The following VPS13A variants were observed in gnomAD, a reference collection of about 807,000 sequenced individuals.
VPS13A encodes intermembrane lipid transfer protein VPS13A.
Under a neutral mutation model 390.9 loss-of-function variants are expected in VPS13A, and 264 were observed. The observed-to-expected ratio is 0.68, with a 90% CI of 0.61 to 0.75. The LOEUF (loss-of-function observed/expected upper bound fraction) is 0.75, where lower values mean the gene tolerates loss of function less well. VPS13A is among the 30% of genes least tolerant of loss of function. The pLI is 0.00. For missense variants in VPS13A, 3,409 were observed against 3,733.9 expected (o/e 0.91, Z 2.27); for synonymous variants, 1,231 against 1,227.1 (o/e 1.00, Z -0.07).
rs912809323 is a variant in VPS13A, at chr9:77,419,349, A to C, written c.*3343A>C. ...TGGTTCCTGAAATACTGTTTCAGCT[A>C]AATATTCTATTTACTGTGTATACTG... On this transcript the variant is annotated 3_prime_UTR_variant, in exon 72 of 72. Coordinates refer to ENST00000360280, the MANE Select transcript of VPS13A (RefSeq NM_033305.3). 1 of 152,226 alleles carries C rather than the reference A, an allele frequency of 6.6e-6. No homozygotes were observed. Among genetic ancestry groups the C allele is most frequent in the Admixed American group, 6.5e-5 (1 of 15,280 alleles). The allele number at this position is 152,226 out of a possible 1,614,324, so 9.4% of individuals were successfully genotyped here. A position where few individuals can be genotyped will look rare whatever the true frequency, so the allele number is the denominator to read the frequency against.
At chr9:77,410,858 C>A (rs1267835099) in intron 71 of VPS13A, among the ~76,000 whole-genome samples, 1 of 152,180 alleles carries the variant, frequency 6.6e-6, no homozygotes, top group East Asian at 1.9e-4. Context: ...GACTTTAACA[C>A]CCCACTGTCA....
chr9:77,375,061 TATA>T (rs1299062380), intron 67 of VPS13A, among the ~76,000 whole-genome samples: 1 of 152,154 alleles, frequency 6.6e-6, no homozygotes, highest in African/African-American at 2.4e-5. Context: ...GTTTCATAAA[TATA>T]ATGTGTTGAG....
intron 46 of VPS13A, among the ~76,000 whole-genome samples, 186 bp downstream of exon 46, chr9:77,332,299 A>C (rs897657853): frequency 1.3e-5 from 2 of 152,140 alleles, no homozygotes; most frequent in Middle Eastern, 3.4e-3. Context: ...TATACCAAGC[A>C]CACTATATAT....
chr9:77,342,964 C>T (rs371211719), intron 50 of VPS13A, among the ~76,000 whole-genome samples: 3 of 152,066 alleles, frequency 2.0e-5, no homozygotes, highest in African/African-American at 7.2e-5. Context: ...TAGGACAAAG[C>T]GGAGGAGCTA....
At chr9:77,368,797 T>C (rs544935507) in intron 62 of VPS13A, among the ~76,000 whole-genome samples, 1 of 152,336 alleles carries the variant, frequency 6.6e-6, no homozygotes, top group Admixed American at 6.5e-5. Flanking sequence ...TGTCATATTA[T>C]TTTTAATACT....
At chr9:77,235,561 G>C (rs752941104) in intron 17 of VPS13A, among the ~76,000 whole-genome samples, 1 of 152,056 alleles carries the variant, frequency 6.6e-6, no homozygotes, top group African/African-American at 2.4e-5. Context: ...TGAGCTTCTT[G>C]GATGTATAAA....
chr9:77,182,932 A>C (rs2131048661), intron 1 of VPS13A, among the ~76,000 whole-genome samples: 1 of 152,348 alleles, frequency 6.6e-6, no homozygotes, highest in Non-Finnish European at 1.5e-5. Flanking sequence ...GCAGTACAAA[A>C]GATGAAGATT....
intron 71 of VPS13A, among the ~76,000 whole-genome samples, chr9:77,411,809 G>C (rs1283165052): frequency 6.6e-6 from 1 of 151,894 alleles, no homozygotes; most frequent in South Asian, 2.1e-4. Context: ...CCAGGAGCTG[G>C]TTTTTTGAAA....
chr9:77,285,609 CTTGT>C (rs939895618), intron 31 of VPS13A, among the ~76,000 whole-genome samples: 1 of 151,962 alleles, frequency 6.6e-6, no homozygotes, highest in African/African-American at 2.4e-5. Context: ...CTTTTCTGGC[CTTGT>C]TATTAGGCCA....
chr9:77,191,851 AT>A (rs1824705915), intron 1 of VPS13A, among the ~76,000 whole-genome samples: 1 of 152,132 alleles, frequency 6.6e-6, no homozygotes, highest in East Asian at 1.9e-4. Context: ...AATAACGTAT[AT>A]TCTGTTTTTG....
chr9:77,403,437 T>G (rs1235133005), intron 69 of VPS13A, 116 bp downstream of exon 69: 1 of 872,830 alleles, frequency 1.1e-6, no homozygotes, highest in African/African-American at 1.7e-5. Context: ...TTCTTGGGTC[T>G]TCTTGCTCCA....
intron 69 of VPS13A, among the ~76,000 whole-genome samples, chr9:77,405,213 G>A (rs913377628): frequency 6.6e-6 from 1 of 152,060 alleles, no homozygotes; most frequent in African/African-American, 2.4e-5. Flanking sequence ...TCTAAAATTG[G>A]CAGTAATGGG....
At chr9:77,199,073 G>A (rs1797900485) in intron 1 of VPS13A, among the ~76,000 whole-genome samples, 1 of 152,114 alleles carries the variant, frequency 6.6e-6, no homozygotes. Flanking sequence ...TTGCCATTTT[G>A]CTAATTACTT....
At chr9:77,278,974 G>T (rs1826854964) in intron 26 of VPS13A, among the ~76,000 whole-genome samples, 1 of 152,190 alleles carries the variant, frequency 6.6e-6, no homozygotes, top group Non-Finnish European at 1.5e-5. Flanking sequence ...GTGCTTTTGG[G>T]CTCCGGCCCC....
Position 77,308,117 on chromosome 9 carries a change from ATTTC to A in VPS13A, c.4114+25_4114+28del. ...TCAGGAGGTATGTTTTTAACTTCAA[ATTTC>A]TTTCTGCTTTCCTCTTTCTCTCTTT... On this transcript the variant is annotated intron_variant, in intron 35 of 71. Transcript: ENST00000360280. 6.2e-7 allele frequency: 1 copy of A among 1,612,664 alleles called. No individual in the cohort carries two copies. Among genetic ancestry groups the A allele is most frequent in the Non-Finnish European group, 8.5e-7 (1 of 1,179,068 alleles).
At chr9:77,277,595 C>T (rs1826761858) in intron 26 of VPS13A, among the ~76,000 whole-genome samples, 1 of 152,194 alleles carries the variant, frequency 6.6e-6, no homozygotes, top group African/African-American at 2.4e-5. Context: ...CTCCCTCCCA[C>T]TTAACCCCTG....
intron 68 of VPS13A, among the ~76,000 whole-genome samples, chr9:77,401,387 G>A (rs1834388630): frequency 6.8e-6 from 1 of 147,060 alleles, no homozygotes; most frequent in African/African-American, 2.5e-5. Context: ...AAATTGGGAG[G>A]GAGTCAATAA....
At chr9:77,275,303 T>C (rs910324584) in intron 24 of VPS13A, among the ~76,000 whole-genome samples, 195 bp from the exon 25 acceptor site, 4 of 152,166 alleles carry the variant, frequency 2.6e-5, no homozygotes, top group African/African-American at 9.7e-5. Flanking sequence ...AAAAGTAGAG[T>C]ATCCCTTTGT....
At chr9:77,177,872 G>A (rs1035103470) in intron 1 of VPS13A, 68 bp downstream of exon 1, 6 of 1,437,522 alleles carry the variant, frequency 4.2e-6, no homozygotes, top group Non-Finnish European at 5.7e-6. Context: ...CCCGAGCGGC[G>A]TCCTGCGTTC....
Sources: gnomAD v4.1 joint callset for allele counts (sites outside exome capture counted in the v4.1 genomes callset) on GRCh38, gnomAD v4.1.1 for gene constraint, MANE v1.5 for transcripts, NCBI Gene and HGNC (gene_info 2026-07-23, HGNC 2026-07-21) for gene names.